RSF1: variants seen among roughly 807,000 people sequenced by gnomAD.
RSF1 encodes HBV pX-associated protein 8.
In RSF1, 13 loss-of-function variants were observed where a neutral mutation model predicts 145.2. The observed-to-expected ratio is 0.09, with a 90% CI of 0.06 to 0.14. The LOEUF (loss-of-function observed/expected upper bound fraction) is 0.14. Among genes scored for constraint, RSF1 ranks in the 10% least tolerant of loss-of-function variants. The pLI, the probability that RSF1 is intolerant of heterozygous loss-of-function variation, is 1.00. For missense variants in RSF1, 1,517 were observed against 1,718.2 expected (o/e 0.88, Z 2.07); for synonymous variants, 577 against 592.6 (o/e 0.97, Z 0.38).
In RSF1 at chr11:77,675,120, T is replaced by C; in HGVS notation, c.3478A>G (p.Arg1160Gly). The C allele has an allele frequency of 6.2e-7, 1 of 1,614,192 alleles. No homozygotes were observed. The highest frequency in any genetic ancestry group is 1.6e-4 in the Middle Eastern group (1 of 6,062). The change falls in exon 14 of 16, where the codon AGG becomes GGG. Residue 1160 changes from arginine (R) to glycine (G), a missense_variant. By Grantham distance (125) the Arg-to-Gly change is moderately radical. This residue lies in a region of RSF1 where 231 missense variants were observed against 276.6 expected (regional missense o/e 0.84). Transcript: ENST00000308488. ...TTTGGGGTCTTTCTTCGCAAACGCC[T>C]GCTCTGCCTCATTGGCCGAGAGGGG... is the stretch of plus-strand genomic sequence containing the variant. ...RHPSRPMRQSRRLRRKTPKKK... is the reference protein window; with the variant it reads ...RHPSRPMRQSGRLRRKTPKKK...
rs577727565 is a variant in RSF1 at position 77,660,173 on chromosome 11, T to A, written c.*6744A>T. On this transcript the variant is annotated 3_prime_UTR_variant, in exon 16 of 16. Coordinates refer to ENST00000308488, the MANE Select transcript of RSF1 (RefSeq NM_016578.4). ...ACCAAGAGTTCTGATCAGACTGTAG[T>A]GAGACACTGAACATTTCATTAACAA... is the stretch of plus-strand genomic sequence containing the variant. 6.6e-6 allele frequency: 1 copy of A among 152,294 alleles called. No homozygotes were observed. Among genetic ancestry groups the A allele is most frequent in the East Asian group, 1.9e-4 (1 of 5,190 alleles). The allele number at this position is 152,294 out of a possible 1,614,324, so 9.4% of individuals were successfully genotyped here.
At chr11:77,860,276 G>A in the RSF1 span, among the ~76,000 whole-genome samples, 2 of 152,212 alleles carry the variant, frequency 1.3e-5, no homozygotes, top group African/African-American at 4.8e-5. Context: ...CTTAATTAGT[G>A]TATATAATGG....
intron 1 of RSF1, among the ~76,000 whole-genome samples, chr11:77,815,653 A>G (rs778691098): frequency 1.2e-4 from 19 of 152,218 alleles, no homozygotes; most frequent in Non-Finnish European, 2.2e-4. Context: ...AAAAAAACTA[A>G]GTCTTTGAAT....
intron 8 of RSF1, among the ~76,000 whole-genome samples, chr11:77,692,405 C>A (rs1353876499): frequency 8.3e-6 from 1 of 120,878 alleles, no homozygotes; most frequent in East Asian, 2.4e-4. Context: ...CCACTACGCC[C>A]GGCTAATTTT....
At chr11:77,787,863 C>T (rs901221268) in intron 1 of RSF1, among the ~76,000 whole-genome samples, 2 of 142,808 alleles carry the variant, frequency 1.4e-5, no homozygotes, top group Non-Finnish European at 3.0e-5. Context: ...AGTGCTGTGA[C>T]TCACACCTGT....
intron 1 of RSF1, among the ~76,000 whole-genome samples, chr11:77,791,247 G>A (rs1017140865): frequency 1.6e-4 from 25 of 152,194 alleles, no homozygotes; most frequent in Admixed American, 7.2e-4. Context: ...GCCAAGGCTT[G>A]AGGCTTCCAC....
intron 5 of RSF1, among the ~76,000 whole-genome samples, chr11:77,708,846 T>A (rs149405842): frequency 1.1e-4 from 16 of 152,302 alleles, no homozygotes; most frequent in Non-Finnish European, 2.1e-4. Context: ...CTAACCTTGT[T>A]TTTTCTATGA....
the RSF1 span, among the ~76,000 whole-genome samples, chr11:77,864,302 G>A: frequency 3.9e-5 from 6 of 151,928 alleles, no homozygotes; most frequent in South Asian, 1.2e-3. Context: ...AAATTAGCCA[G>A]GCATGGTGGC....
chr11:77,854,428 G>A, the RSF1 span, among the ~76,000 whole-genome samples: 5 of 152,188 alleles, frequency 3.3e-5, no homozygotes, highest in Non-Finnish European at 7.3e-5. Flanking sequence ...GATACAATGG[G>A]GTTATAGGCA....
rs1007808139 is a variant in RSF1 at position 77,808,823 on chromosome 11, G to A, written c.187+11705C>T. ...GCTGGGATTACAGGCGTGAGCCACC[G>A]CGCCCGGCCTCAAATATTATACCTT... On this transcript the variant is annotated intron_variant, in intron 1 of 15. Coordinates refer to ENST00000308488, the MANE Select transcript of RSF1 (RefSeq NM_016578.4). 7.7e-5 allele frequency among the ~76,000 whole-genome samples: 8 copies of A among 104,276 alleles called. 1 individual carries two copies. The highest frequency in any genetic ancestry group is 1.1e-4 in the Non-Finnish European group (6 of 55,010). 68.4% of individuals were successfully genotyped at this position (104,276 alleles called of 152,430 possible). A position where few individuals can be genotyped will look rare whatever the true frequency, so the allele number is the denominator to read the frequency against.
chr11:77,837,757 T>C, the RSF1 span, among the ~76,000 whole-genome samples: 1 of 152,068 alleles, frequency 6.6e-6, no homozygotes, highest in Non-Finnish European at 1.5e-5. Context: ...ATTTTTTAGA[T>C]GGACATTCAG....
chr11:77,706,842 C>T (rs1960564284), intron 5 of RSF1, among the ~76,000 whole-genome samples: 2 of 152,068 alleles, frequency 1.3e-5, no homozygotes, highest in Non-Finnish European at 2.9e-5. Flanking sequence ...ACCCACTTTC[C>T]TAATTTGTAA....
At chr11:77,667,567 T>C (rs1959401723) in intron 15 of RSF1, 76 bp from the exon 16 acceptor site, 22 of 1,299,322 alleles carry the variant, frequency 1.7e-5, no homozygotes, top group Non-Finnish European at 2.3e-5. Flanking sequence ...CCTCCCGATA[T>C]TCACCCCACG....
chr11:77,729,965 A>T (rs568676904), intron 4 of RSF1, among the ~76,000 whole-genome samples: 1 of 150,852 alleles, frequency 6.6e-6, no homozygotes, highest in African/African-American at 2.4e-5. Context: ...AATTAGTAAT[A>T]TCAATAGCAG....
chr11:77,796,687 G>C (rs956125155), intron 1 of RSF1, among the ~76,000 whole-genome samples: 3 of 152,002 alleles, frequency 2.0e-5, no homozygotes, highest in South Asian at 4.2e-4. Context: ...AGAAAGAAAG[G>C]GTATTCAGAT....
intron 2 of RSF1, among the ~76,000 whole-genome samples, chr11:77,759,873 A>AG (rs1948154366): frequency 6.7e-6 from 1 of 148,874 alleles, no homozygotes; most frequent in Non-Finnish European, 1.5e-5. Context: ...AAAAAAAAAA[A>AG]GCATAGCACT....
At chr11:77,750,192 A>G (rs980586586) in intron 2 of RSF1, among the ~76,000 whole-genome samples, 9 of 152,228 alleles carry the variant, frequency 5.9e-5, no homozygotes, top group African/African-American at 2.2e-4. Context: ...CTTGCAAATA[A>G]AAAGATTATT....
intron 1 of RSF1, among the ~76,000 whole-genome samples, chr11:77,812,459 G>A (rs1177800523): frequency 6.6e-6 from 1 of 152,128 alleles, no homozygotes; most frequent in Non-Finnish European, 1.5e-5. Context: ...GCTTTCTGGA[G>A]GAACTCTTGC....
rs1306317370 is a variant in RSF1 at position 77,667,440 on chromosome 11, T to G, written c.3803A>C (p.Lys1268Thr). ...TCGGCCCCGCTTTCGAACTGACCGC[T>G]TTGATTCTTTAGCTAGCTCATCATC... ...SEDDELAKESKRSVRKRGRST... is the reference protein window; with the variant it reads ...SEDDELAKESTRSVRKRGRST... The change falls in exon 16 of 16, where the codon AAG becomes ACG. Residue 1268 changes from lysine (K) to threonine (T), a missense_variant. By Grantham distance (78) the Lys-to-Thr change is moderately conservative. Around this residue, in one of 12 missense-constraint regions of RSF1, gnomAD observed 240 missense variants for 231.8 expected, o/e 1.04. Transcript: ENST00000308488. 2 of 1,613,266 alleles carry G rather than the reference T, an allele frequency of 1.2e-6. No homozygotes were observed. Among genetic ancestry groups the G allele is most frequent in the African/African-American group, 2.7e-5 (2 of 74,936 alleles).
Sources: allele counts gnomAD v4.1 joint callset (sites outside exome capture counted in the v4.1 genomes callset), GRCh38; gene constraint gnomAD v4.1.1; regional missense constraint gnomAD v4.1.1; transcripts MANE v1.5; gene names NCBI Gene and HGNC (gene_info 2026-07-23, HGNC 2026-07-21).